The following TRIM5 variants were observed in gnomAD, a reference collection of about 807,000 sequenced individuals.
TRIM5 encodes tripartite motif-containing protein 5.
Under a neutral mutation model 35.6 loss-of-function variants are expected in TRIM5, and 31 were observed. The ratio of observed to expected loss-of-function variants is 0.87; its 90% CI spans 0.65 to 1.18. The LOEUF is 1.18. TRIM5 is among the 50% of genes most tolerant of loss of function. TRIM5 has a pLI of 0.00. For missense variants in TRIM5, 609 were observed against 591.6 expected (o/e 1.03, Z -0.31); for synonymous variants, 243 against 215.6 (o/e 1.13, Z -1.11).
At chr11:5,603,059 A>C in the TRIM5 span, among the ~76,000 whole-genome samples, 1 of 152,134 alleles carries the variant, frequency 6.6e-6, no homozygotes, top group Non-Finnish European at 1.5e-5. Flanking sequence ...GGAAATTATC[A>C]CTGCTTTAAT....
chr11:5,655,155 T>C, the TRIM5 span, among the ~76,000 whole-genome samples: 2 of 150,862 alleles, frequency 1.3e-5, no homozygotes, highest in Admixed American at 1.3e-4. Context: ...ATCACGCCAT[T>C]GCACTCCAGC....
rs764295184 is a variant in TRIM5 at position 5,664,158 on chromosome 11, G to T, written c.*651C>A. ...GGAGGTTGCAGTGAACCGAGATCGTGCCATTGCACTCCAGCCTGGGGAACA... is the reference window on the plus strand; with the variant it reads ...GGAGGTTGCAGTGAACCGAGATCGTTCCATTGCACTCCAGCCTGGGGAACA... On this transcript the variant is annotated 3_prime_UTR_variant, in exon 8 of 8. Coordinates refer to ENST00000380034, the MANE Select transcript of TRIM5 (RefSeq NM_033034.3). 1 of 732,876 alleles carries T rather than the reference G, an allele frequency of 1.4e-6. No homozygotes were observed. 45.4% of individuals were successfully genotyped at this position (732,876 alleles called of 1,614,324 possible).
chr11:5,666,530 C>T (rs1055334374), intron 5 of TRIM5, among the ~76,000 whole-genome samples: 7 of 152,200 alleles, frequency 4.6e-5, no homozygotes, highest in Non-Finnish European at 7.3e-5. Context: ...AACCTGGCTC[C>T]TGGGTGTTTG....
At chr11:5,605,218 C>A in the TRIM5 span, 1 of 1,338,318 alleles carries the variant, frequency 7.5e-7, no homozygotes, top group Non-Finnish European at 1.1e-6. Context: ...CATTTACCCT[C>A]CCTCTCCCTG....
At chr11:5,612,829 AC>A in the TRIM5 span, 5 of 152,344 alleles carry the variant, frequency 3.3e-5, no homozygotes, top group Non-Finnish European at 7.4e-5. Flanking sequence ...TAAAATATAT[AC>A]CAGATTTCAA....
the TRIM5 span, among the ~76,000 whole-genome samples, chr11:5,614,473 T>G: frequency 6.6e-6 from 1 of 152,234 alleles, no homozygotes; most frequent in East Asian, 1.9e-4. Flanking sequence ...ACTGTAAAGA[T>G]TTTTTAAATG....
chr11:5,591,075 T>G, the TRIM5 span: 1 of 156,966 alleles, frequency 6.4e-6, no homozygotes, highest in Non-Finnish European at 1.4e-5. Flanking sequence ...GGATAAAACT[T>G]CTTCAAAAGG....
chr11:5,610,081 G>A, the TRIM5 span: 8 of 1,559,066 alleles, frequency 5.1e-6, no homozygotes, highest in Non-Finnish European at 7.1e-6. Context: ...GGAGGTAAGG[G>A]AGATGGGTGG....
chr11:5,643,465 A>G, the TRIM5 span: 2 of 1,614,080 alleles, frequency 1.2e-6, no homozygotes, highest in Admixed American at 1.7e-5. Context: ...AAATGTAAGT[A>G]TGGTGTCTTT....
the TRIM5 span, among the ~76,000 whole-genome samples, chr11:5,635,546 G>A: frequency 1.3e-5 from 2 of 152,078 alleles, no homozygotes; most frequent in Non-Finnish European, 2.9e-5. Flanking sequence ...CTGACCCACC[G>A]CACCCAGCCC....
chr11:5,643,822 A>C, the TRIM5 span: 3 of 1,377,714 alleles, frequency 2.2e-6, no homozygotes, highest in Non-Finnish European at 2.9e-6. Context: ...TAGAACTTTT[A>C]CTCATCCTTG....
chr11:5,627,494 GA>G, the TRIM5 span, among the ~76,000 whole-genome samples: 1 of 151,780 alleles, frequency 6.6e-6, no homozygotes, highest in East Asian at 1.9e-4. Flanking sequence ...AAACTAATTT[GA>G]AAAAAAACTC....
In TRIM5 at chr11:5,684,880, A is replaced by G. The variant is rs1852894354; in HGVS notation, c.-74T>C. 6.6e-6 allele frequency: 1 copy of G among 152,262 alleles called. No homozygotes were observed. Among genetic ancestry groups the G allele is most frequent in the Admixed American group, 6.5e-5 (1 of 15,286 alleles). 9.4% of individuals were successfully genotyped at this position (152,262 alleles called of 1,614,324 possible). On this transcript the variant is annotated 5_prime_UTR_variant, in exon 1 of 8. Coordinates refer to ENST00000380034, the MANE Select transcript of TRIM5 (RefSeq NM_033034.3). ...AAGTTAAACTCACCAAGGTAAATAC[A>G]GTTTTGTCCCAAAGACTTCCTACTT...
the TRIM5 span, among the ~76,000 whole-genome samples, chr11:5,602,887 G>A: frequency 6.6e-6 from 1 of 152,212 alleles, no homozygotes; most frequent in African/African-American, 2.4e-5. Flanking sequence ...CTGGGAGGCG[G>A]AGATTGCAGT....
the TRIM5 span, among the ~76,000 whole-genome samples, chr11:5,632,996 T>C: frequency 2.8e-4 from 1 of 3,636 alleles, no homozygotes; most frequent in Non-Finnish European, 8.5e-4. Context: ...CTGGCTAATT[T>C]TTTTTTTTTT....
chr11:5,672,530 TC>T (rs1851655418), intron 4 of TRIM5, among the ~76,000 whole-genome samples: 1 of 152,146 alleles, frequency 6.6e-6, no homozygotes, highest in Non-Finnish European at 1.5e-5. Context: ...AAATATTTCT[TC>T]CCAAAAATAG....
At chr11:5,649,400 TTG>T in the TRIM5 span, among the ~76,000 whole-genome samples, 1 of 152,198 alleles carries the variant, frequency 6.6e-6, no homozygotes, top group Non-Finnish European at 1.5e-5. Context: ...AGCTGAGTTG[TTG>T]TCTTTTTTTA....
chr11:5,610,215 G>A, the TRIM5 span: 8 of 1,614,014 alleles, frequency 5.0e-6, no homozygotes, highest in African/African-American at 4.0e-5. Flanking sequence ...CCGAGCCCCA[G>A]ATCTGAAAAG....
the TRIM5 span, chr11:5,624,976 C>T: frequency 6.6e-6 from 1 of 152,222 alleles, no homozygotes; most frequent in Non-Finnish European, 1.5e-5. Flanking sequence ...AGAGGAACCT[C>T]ATTTGTTGAA....
Sources: gnomAD v4.1 joint callset for allele counts (sites outside exome capture counted in the v4.1 genomes callset) on GRCh38, gnomAD v4.1.1 for gene constraint, MANE v1.5 for transcripts, NCBI Gene and HGNC (gene_info 2026-07-23, HGNC 2026-07-21) for gene names.